The following ZNF599 variants were observed in gnomAD, a reference collection of about 807,000 sequenced individuals.
ZNF599 encodes zinc finger protein 599.
ZNF599 carries 10 observed loss-of-function variants against 11.7 expected under a neutral mutation model. The observed-to-expected ratio is 0.86, with a 90% confidence interval of 0.53 to 1.45. ZNF599 has a LOEUF of 1.45. ZNF599 is among the 40% of genes most tolerant of loss of function. The pLI, the probability that ZNF599 is intolerant of heterozygous loss-of-function variation, is 0.00. For synonymous variants in ZNF599, 232 were observed against 253.2 expected, an observed-to-expected ratio of 0.92 and a Z score of 0.79; for missense variants, 688 against 713.6, an observed-to-expected ratio of 0.96 and a Z score of 0.41.
At chr19:34,774,662 T>G (rs2069208199), upstream of ZNF599, among the ~76,000 whole-genome samples, 1 of 152,186 alleles carries the variant, frequency 6.6e-6, no homozygotes, top group South Asian at 2.1e-4. Context: ...CCTTGGCCAT[T>G]TTCTAGTAAA....
the ZNF599 span, among the ~76,000 whole-genome samples, chr19:34,794,984 G>A: frequency 2.0e-5 from 3 of 152,120 alleles, no homozygotes; most frequent in Non-Finnish European, 4.4e-5. Context: ...AAAAATCTCT[G>A]AATACCTGAT....
At chr19:34,761,530 T>C (rs1225411178) in intron 3 of ZNF599, among the ~76,000 whole-genome samples, 1 of 152,196 alleles carries the variant, frequency 6.6e-6, no homozygotes, top group East Asian at 1.9e-4. Flanking sequence ...TATGAGGACT[T>C]AGTATTATGA....
chr19:34,798,791 C>A, the ZNF599 span, among the ~76,000 whole-genome samples: 1 of 152,190 alleles, frequency 6.6e-6, no homozygotes, highest in Non-Finnish European at 1.5e-5. Context: ...GAATTTATTA[C>A]ATTAATTTGC....
rs1180129135 is a variant in ZNF599 at position 34,760,474 on chromosome 19, T to C, written c.327A>G (p.Ala109=). 1 of 1,614,180 alleles carries C rather than the reference T, an allele frequency of 6.2e-7. No homozygotes were observed. Among genetic ancestry groups the C allele is most frequent in the South Asian group, 1.1e-5 (1 of 91,082 alleles). The change falls in exon 4 of 4, where the codon GCA becomes GCG. Residue 109 remains alanine (A), a synonymous_variant. Transcript: ENST00000329285. ...SEESSFQELL[A]QRSSRDSRLG... ...ACCTGGAATCTCTTGAGGATCTCTG[T>C]GCCAGAAGTTCCTGGAAAGAGGATT...
the ZNF599 span, among the ~76,000 whole-genome samples, chr19:34,778,485 G>C: frequency 6.6e-6 from 1 of 152,072 alleles, no homozygotes; most frequent in Non-Finnish European, 1.5e-5. Flanking sequence ...GTCTAGCAAA[G>C]TTTTATCAAG....
At chr19:34,800,582 C>CTTTTTTT in the ZNF599 span, among the ~76,000 whole-genome samples, 5 of 73,836 alleles carry the variant, frequency 6.8e-5, no homozygotes, top group African/African-American at 1.9e-4. Flanking sequence ...CTAGCATTTC[C>CTTTTTTT]TTTGTTTTTT....
the ZNF599 span, among the ~76,000 whole-genome samples, chr19:34,794,012 T>C: frequency 6.6e-6 from 1 of 152,154 alleles, no homozygotes; most frequent in East Asian, 1.9e-4. Flanking sequence ...TCCACATGGC[T>C]AGGGAGGCCT....
chr19:34,788,968 C>G, the ZNF599 span, among the ~76,000 whole-genome samples: 1 of 152,054 alleles, frequency 6.6e-6, no homozygotes, highest in African/African-American at 2.4e-5. Flanking sequence ...TTACACCCAC[C>G]CTCTTAGCAT....
the ZNF599 span, among the ~76,000 whole-genome samples, chr19:34,805,960 CT>C: frequency 6.6e-6 from 1 of 152,182 alleles, no homozygotes; most frequent in Non-Finnish European, 1.5e-5. Context: ...ATTATATATA[CT>C]ACCTCTGGCC....
the ZNF599 span, among the ~76,000 whole-genome samples, chr19:34,801,444 C>G: frequency 6.6e-6 from 1 of 152,218 alleles, no homozygotes. Flanking sequence ...TGGTGAGGAA[C>G]AAGTCCATAT....
At chr19:34,789,918 C>T in the ZNF599 span, among the ~76,000 whole-genome samples, 1 of 152,104 alleles carries the variant, frequency 6.6e-6, no homozygotes, top group Admixed American at 6.6e-5. Flanking sequence ...TCCAAAAAGT[C>T]GTGGCTCAGA....
chr19:34,767,423 GA>G lies in ZNF599; in HGVS notation c.146-13del, dbSNP rs746665312. The G allele has an allele frequency of 8.7e-6, 14 of 1,601,564 alleles. No individual in the cohort carries two copies. The South Asian group carries it at 1.4e-4, about 16-fold the overall frequency. Reference sequence around the variant, plus strand: ...GGGAACAGGATGCCCTGTGCATGGAGAAACAAATGGAGTATGGTGTACAGGG... The same window carrying G: ...GGGAACAGGATGCCCTGTGCATGGAGAACAAATGGAGTATGGTGTACAGGG... On this transcript the variant is annotated splice_polypyrimidine_tract_variant and intron_variant, in intron 2 of 3. Coordinates refer to ENST00000329285, the MANE Select transcript of ZNF599 (RefSeq NM_001007248.3).
At position 34,773,098 on chromosome 19, in the gene ZNF599, CTCCTCA is replaced by C; in HGVS notation, c.-263_-258del. 4.2e-6 allele frequency: 2 copies of C among 476,918 alleles called. No homozygotes were observed. Among genetic ancestry groups the C allele is most frequent in the South Asian group, 3.7e-5 (1 of 27,082 alleles). The allele number at this position is 476,918 out of a possible 1,614,324, so 29.5% of individuals were successfully genotyped here. ...TAAAAGCGTGTAAGTGGGTCCTATC[CTCCTCA>C]CTGTCCGTCTCTACTCGGTCTCGAA... is the stretch of plus-strand genomic sequence containing the variant. On this transcript the variant is annotated 5_prime_UTR_variant, in exon 1 of 4. Coordinates refer to ENST00000329285, the MANE Select transcript of ZNF599 (RefSeq NM_001007248.3).
rs1187831450 is a variant in ZNF599 at position 34,772,810 on chromosome 19, A to T, written c.18+14T>A. ...TGACCCGAGCTCGCGCGGGCTGCGG[A>T]ACCCTCCACTCACCAACGCCGGCGC... On this transcript the variant is annotated intron_variant, in intron 1 of 3. Transcript: ENST00000329285. The T allele has an allele frequency of 3.3e-6, 5 of 1,531,502 alleles. No individual in the cohort carries two copies. The highest frequency in any genetic ancestry group is 1.8e-6 in the Non-Finnish European group (2 of 1,142,726). The allele number at this position is 1,531,502 out of a possible 1,614,324, so 94.9% of individuals were successfully genotyped here.
chr19:34,803,720 C>T, the ZNF599 span, among the ~76,000 whole-genome samples: 10 of 152,162 alleles, frequency 6.6e-5, no homozygotes, highest in Non-Finnish European at 1.3e-4. Context: ...AGGCCTGCCA[C>T]GCAGGGCCCC....
the ZNF599 span, among the ~76,000 whole-genome samples, chr19:34,786,143 C>A: frequency 6.6e-6 from 1 of 152,180 alleles, no homozygotes; most frequent in Non-Finnish European, 1.5e-5. Flanking sequence ...TAATCAGGCT[C>A]CTTTGAACTC....
At chr19:34,789,412 T>C in the ZNF599 span, among the ~76,000 whole-genome samples, 221 of 152,342 alleles carry the variant, frequency 1.5e-3, no homozygotes, top group African/African-American at 5.1e-3. Flanking sequence ...TATGTTTACT[T>C]TTTTGAGAAA....
chr19:34,761,684 G>A (rs1156682858), intron 3 of ZNF599, among the ~76,000 whole-genome samples: 3 of 152,180 alleles, frequency 2.0e-5, no homozygotes, highest in Non-Finnish European at 2.9e-5. Flanking sequence ...TTGGGAAAAG[G>A]AGGAACCATT....
intron 2 of ZNF599, among the ~76,000 whole-genome samples, chr19:34,769,129 A>C (rs1418903985): frequency 6.6e-6 from 1 of 152,202 alleles, no homozygotes; most frequent in Non-Finnish European, 1.5e-5. Context: ...GGCTGTGAGG[A>C]CATTTGACTC....
Sources: allele counts gnomAD v4.1 joint callset (sites outside exome capture counted in the v4.1 genomes callset), GRCh38; gene constraint gnomAD v4.1.1; transcripts MANE v1.5; gene names NCBI Gene and HGNC (gene_info 2026-07-23, HGNC 2026-07-21).